Variants in GBE1 observed in about 807,000 individuals in gnomAD.
GBE1 encodes 1,4-alpha-glucan branching enzyme 1, also known as 1,4-alpha-glucan-branching enzyme.
A neutral mutation model predicts 88.8 loss-of-function variants in GBE1; 70 were observed. The ratio of observed to expected loss-of-function variants is 0.79; its 90% CI spans 0.65 to 0.96. The LOEUF is 0.96. GBE1 is among the 40% of genes least tolerant of loss of function. The pLI is 0.00. For missense variants in GBE1, 872 were observed against 871.0 expected (o/e 1.00, Z -0.01); for synonymous variants, 284 against 300.1 (o/e 0.95, Z 0.56).
chr3:81,665,330 G>A (rs1705096855), intron 3 of GBE1, among the ~76,000 whole-genome samples: 1 of 151,476 alleles, frequency 6.6e-6, no homozygotes, highest in Non-Finnish European at 1.5e-5. Context: ...TCAGAAGATC[G>A]AGACCATCCT....
chr3:81,705,675 G>A (rs1233832907), intron 1 of GBE1, 62 bp from the exon 2 acceptor site: 2 of 1,082,130 alleles, frequency 1.8e-6, no homozygotes, highest in Non-Finnish European at 2.6e-6. Flanking sequence ...AAAAGCTACT[G>A]TAATTAAGTA....
chr3:81,578,193 C>T (rs2106934242), intron 11 of GBE1, 97 bp from the exon 12 acceptor site: 1 of 862,426 alleles, frequency 1.2e-6, no homozygotes, highest in African/African-American at 1.8e-5. Context: ...TGTTAGGAAA[C>T]ATCGTAGAAG....
intron 2 of GBE1, among the ~76,000 whole-genome samples, 178 bp downstream of exon 2, chr3:81,705,266 A>G (rs879810929): frequency 2.0e-5 from 3 of 152,138 alleles, no homozygotes; most frequent in Admixed American, 2.0e-4. Flanking sequence ...ATCACATTAT[A>G]ACAGAAACAG....
rs146598816 is a variant in GBE1, at chr3:81,630,785, T to C, written c.992+11996A>G. ...ACATTGGTTTACCATTGATTACATG[T>C]TGAAATAATACTTTAAACATGTAAT... On this transcript the variant is annotated intron_variant, in intron 7 of 15. Transcript: ENST00000429644. Among the ~76,000 whole-genome samples the C allele has an allele frequency of 4.3e-3, 650 of 152,320 alleles. 1 individual carries two copies. The highest frequency in any genetic ancestry group is 7.4e-3 in the Non-Finnish European group (502 of 68,024).
chr3:81,649,992 G>A (rs1253808765), intron 3 of GBE1, 71 bp from the exon 4 acceptor site: 43 of 1,237,998 alleles, frequency 3.5e-5, no homozygotes, highest in Middle Eastern at 3.8e-4. Context: ...TGGTTTAGGA[G>A]CACTGCTACA....
chr3:81,756,868 C>T (rs1432215557), intron 1 of GBE1, among the ~76,000 whole-genome samples: 1 of 152,114 alleles, frequency 6.6e-6, no homozygotes, highest in Non-Finnish European at 1.5e-5. Flanking sequence ...AGCTGATACT[C>T]AAACATTTGT....
At chr3:81,716,315 A>T (rs1177153666) in intron 1 of GBE1, among the ~76,000 whole-genome samples, 2 of 152,200 alleles carry the variant, frequency 1.3e-5, no homozygotes, top group African/African-American at 4.8e-5. Flanking sequence ...TGGGGGAGGA[A>T]GTATGAGGTA....
intron 1 of GBE1, among the ~76,000 whole-genome samples, chr3:81,743,273 T>A (rs1415981904): frequency 6.6e-6 from 1 of 152,148 alleles, no homozygotes; most frequent in Non-Finnish European, 1.5e-5. Context: ...AAAATGGCAA[T>A]GTTTTCATTA....
intron 2 of GBE1, among the ~76,000 whole-genome samples, chr3:81,698,063 T>C (rs1705628202): frequency 6.8e-6 from 1 of 146,642 alleles, no homozygotes. Flanking sequence ...TATATATATA[T>C]GTGTATATAT....
chr3:81,577,883 C>T, intron 12 of GBE1, 42 bp downstream of exon 12: 1 of 1,481,482 alleles, frequency 6.7e-7, no homozygotes, highest in Non-Finnish European at 9.1e-7. Flanking sequence ...TATAAGTTAA[C>T]ATTTTAAACA....
chr3:81,500,753 T>C (rs573026122), intron 14 of GBE1, among the ~76,000 whole-genome samples: 38 of 152,354 alleles, frequency 2.5e-4, no homozygotes, highest in African/African-American at 8.9e-4. Context: ...TTAGGCATTG[T>C]CTAAAGACTA....
At chr3:81,742,857 G>A (rs560959138) in intron 1 of GBE1, among the ~76,000 whole-genome samples, 43 of 152,246 alleles carry the variant, frequency 2.8e-4, no homozygotes, top group African/African-American at 9.9e-4. Flanking sequence ...GAAAGGTTAA[G>A]CGGTATGTGA....
chr3:81,517,134 CA>C (rs1384667425), intron 14 of GBE1, among the ~76,000 whole-genome samples: 1 of 151,414 alleles, frequency 6.6e-6, no homozygotes, highest in African/African-American at 2.4e-5. Context: ...AGAAATCTTT[CA>C]TAAAAGGAAG....
intron 14 of GBE1, among the ~76,000 whole-genome samples, chr3:81,514,740 T>C (rs1050159793): frequency 6.6e-6 from 1 of 151,676 alleles, no homozygotes; most frequent in Non-Finnish European, 1.5e-5. Context: ...ACTCAGGTAA[T>C]ACTTTTATGT....
chr3:81,759,587 T>C (rs997330347), intron 1 of GBE1, among the ~76,000 whole-genome samples: 1 of 152,242 alleles, frequency 6.6e-6, no homozygotes, highest in Admixed American at 6.5e-5. Flanking sequence ...AAATGGAACA[T>C]GTATGCTAGC....
At chr3:81,493,407 T>C (rs973746052) in intron 15 of GBE1, among the ~76,000 whole-genome samples, 3 of 152,146 alleles carry the variant, frequency 2.0e-5, no homozygotes, top group Admixed American at 1.3e-4. Flanking sequence ...TATCTACTGT[T>C]TCATTCATAA....
At chr3:81,663,007 C>A (rs1378240885) in intron 3 of GBE1, among the ~76,000 whole-genome samples, 1 of 152,166 alleles carries the variant, frequency 6.6e-6, no homozygotes, top group African/African-American at 2.4e-5. Flanking sequence ...TAATAAAATC[C>A]ATTATCTACA....
intron 2 of GBE1, among the ~76,000 whole-genome samples, chr3:81,681,623 C>T (rs1326298062): frequency 6.6e-6 from 1 of 152,116 alleles, no homozygotes; most frequent in Non-Finnish European, 1.5e-5. Flanking sequence ...CAGATAAAAA[C>T]TCATGTGTCT....
chr3:81,611,585 C>T (rs924344857), intron 7 of GBE1, among the ~76,000 whole-genome samples: 7 of 152,170 alleles, frequency 4.6e-5, no homozygotes, highest in Non-Finnish European at 7.4e-5. Flanking sequence ...CGTCCAAATA[C>T]GAAATGAGCT....
Sources: gnomAD v4.1 joint callset for allele counts (sites outside exome capture counted in the v4.1 genomes callset) on GRCh38, gnomAD v4.1.1 for gene constraint, MANE v1.5 for transcripts, NCBI Gene and HGNC (gene_info 2026-07-23, HGNC 2026-07-21) for gene names.